MACROD2: variants seen among roughly 807,000 people sequenced by gnomAD.
The protein encoded by MACROD2 is ADP-ribose glycohydrolase MACROD2.
A neutral mutation model predicts 70.4 loss-of-function variants in MACROD2; 36 were observed. The ratio of observed to expected loss-of-function variants is 0.51; its 90% CI spans 0.39 to 0.68. The LOEUF is 0.68. Ranked by LOEUF, MACROD2 falls within the 30% of genes least tolerant of loss-of-function variation. MACROD2 has a pLI of 0.00. For synonymous variants in MACROD2, 172 were observed against 178.8 expected, an observed-to-expected ratio of 0.96 and a Z score of 0.30; for missense variants, 496 against 538.4, an observed-to-expected ratio of 0.92 and a Z score of 0.78.
intron 8 of MACROD2, among the ~76,000 whole-genome samples, chr20:15,595,352 A>G (rs1600645394): frequency 6.6e-6 from 1 of 152,356 alleles, no homozygotes; most frequent in African/African-American, 2.4e-5. Context: ...AAAAATTTAT[A>G]GCACAGGAAT....
At chr20:15,953,320 TAAC>T (rs2065932422) in intron 12 of MACROD2, among the ~76,000 whole-genome samples, 1 of 152,160 alleles carries the variant, frequency 6.6e-6, no homozygotes, top group Non-Finnish European at 1.5e-5. Flanking sequence ...TGAATATAGT[TAAC>T]AATAATATAC....
intron 8 of MACROD2, among the ~76,000 whole-genome samples, chr20:15,505,910 G>A (rs558251110): frequency 6.6e-6 from 1 of 152,082 alleles, no homozygotes; most frequent in Non-Finnish European, 1.5e-5. Flanking sequence ...ACAGATTGTT[G>A]TTCAAAATGT....
intron 5 of MACROD2, among the ~76,000 whole-genome samples, chr20:14,977,913 A>T (rs985799263): frequency 3.9e-5 from 6 of 152,168 alleles, no homozygotes; most frequent in African/African-American, 1.4e-4. Context: ...AAATGTAATG[A>T]TATTTTAGAA....
chr20:15,098,058 C>T (rs148424449), intron 5 of MACROD2, among the ~76,000 whole-genome samples: 2 of 152,228 alleles, frequency 1.3e-5, no homozygotes, highest in East Asian at 3.9e-4. Context: ...TAAACTTAAA[C>T]ACTGTTCTAC....
rs150518339 is a variant in MACROD2, at chr20:15,513,238, C to T, written c.645+13391C>T. Among the ~76,000 whole-genome samples the T allele has an allele frequency of 2.8e-3, 428 of 152,302 alleles. 1 individual carries two copies. The highest frequency in any genetic ancestry group is 4.6e-3 in the Non-Finnish European group (310 of 68,026). On this transcript the variant is annotated intron_variant, in intron 8 of 17. Coordinates refer to ENST00000684519, the MANE Select transcript of MACROD2 (RefSeq NM_001351661.2). ...GGCCATTTGCCAGCAGCAAGCGAAC[C>T]CCTAAATAGTCACGTTCTGTTCGGG... is the stretch of plus-strand genomic sequence containing the variant.
intron 7 of MACROD2, among the ~76,000 whole-genome samples, chr20:15,493,415 A>G (rs1212737472): frequency 6.6e-6 from 1 of 152,220 alleles, no homozygotes; most frequent in Non-Finnish European, 1.5e-5. Context: ...AAGTATCACC[A>G]TATGCCTTTC....
intron 5 of MACROD2, among the ~76,000 whole-genome samples, chr20:14,772,049 A>T (rs966032397): frequency 6.6e-6 from 1 of 152,100 alleles, no homozygotes; most frequent in African/African-American, 2.4e-5. Flanking sequence ...CTCATGGTGC[A>T]TGACATTTTA....
At chr20:15,529,140 T>C (rs2047761963) in intron 8 of MACROD2, among the ~76,000 whole-genome samples, 1 of 152,166 alleles carries the variant, frequency 6.6e-6, no homozygotes, top group South Asian at 2.1e-4. Context: ...TACTCTCCCA[T>C]TCTTGATCAT....
At chr20:15,461,018 T>A (rs1461310787) in intron 7 of MACROD2, among the ~76,000 whole-genome samples, 2 of 89,626 alleles carry the variant, frequency 2.2e-5, no homozygotes, top group African/African-American at 3.5e-5. Context: ...TTTTTTTTAA[T>A]AGATGGGGTC....
At chr20:15,101,533 T>TAAAAAAAAAAAA (rs1568573864) in intron 5 of MACROD2, among the ~76,000 whole-genome samples, 1,688 of 7,324 alleles carry the variant, frequency 0.23, 98 homozygotes, top group African/African-American at 0.38. Flanking sequence ...AGGTGTTGGT[T>TAAAAAAAAAAAA]CAAAAAAAAA....
intron 4 of MACROD2, among the ~76,000 whole-genome samples, chr20:14,669,797 T>A (rs1175020120): frequency 6.6e-6 from 1 of 151,942 alleles, no homozygotes; most frequent in East Asian, 1.9e-4. Context: ...CTTGATCTGG[T>A]CTCTGAAGGA....
intron 5 of MACROD2, among the ~76,000 whole-genome samples, chr20:14,966,547 G>A (rs1179077766): frequency 6.6e-6 from 1 of 152,186 alleles, no homozygotes; most frequent in Non-Finnish European, 1.5e-5. Flanking sequence ...CTGCACTCCA[G>A]CCTGGGCAAC....
intron 8 of MACROD2, among the ~76,000 whole-genome samples, chr20:15,607,889 T>C (rs2146702013): frequency 6.6e-6 from 1 of 152,348 alleles, no homozygotes; most frequent in East Asian, 1.9e-4. Flanking sequence ...GATACATTAA[T>C]TCAGATGGTA....
chr20:14,885,972 G>A (rs6079596), intron 5 of MACROD2, among the ~76,000 whole-genome samples: 13 of 152,134 alleles, frequency 8.5e-5, no homozygotes, highest in Admixed American at 2.6e-4. Context: ...ATAAATAAAA[G>A]AGCCTTTTGT....
chr20:14,777,365 G>A (rs2072246888), intron 5 of MACROD2, among the ~76,000 whole-genome samples: 1 of 151,928 alleles, frequency 6.6e-6, no homozygotes, highest in Admixed American at 6.6e-5. Flanking sequence ...CTAAGGGCTG[G>A]TTCTTGTGGA....
At chr20:14,753,767 C>G (rs2071905458) in intron 5 of MACROD2, among the ~76,000 whole-genome samples, 1 of 152,050 alleles carries the variant, frequency 6.6e-6, no homozygotes, top group Admixed American at 6.5e-5. Flanking sequence ...TGGGTAATAT[C>G]AGACCATAAA....
At chr20:14,896,948 G>T (rs1379523479) in intron 5 of MACROD2, among the ~76,000 whole-genome samples, 3 of 152,072 alleles carry the variant, frequency 2.0e-5, no homozygotes, top group African/African-American at 7.2e-5. Context: ...ATAAAAGTTA[G>T]CAACTAATAG....
intron 3 of MACROD2, among the ~76,000 whole-genome samples, chr20:14,432,807 A>G (rs2084009649): frequency 6.6e-6 from 1 of 152,092 alleles, no homozygotes; most frequent in East Asian, 1.9e-4. Flanking sequence ...CCTGGCCACC[A>G]TTATCTTATG....
At chr20:15,015,586 C>G (rs1330522797) in intron 5 of MACROD2, among the ~76,000 whole-genome samples, 2 of 152,048 alleles carry the variant, frequency 1.3e-5, no homozygotes, top group African/African-American at 4.8e-5. Context: ...TTGTGAAAGC[C>G]ACTGTATTTA....
Sources: allele counts gnomAD v4.1 joint callset (sites outside exome capture counted in the v4.1 genomes callset), GRCh38; gene constraint gnomAD v4.1.1; transcripts MANE v1.5; gene names NCBI Gene and HGNC (gene_info 2026-07-23, HGNC 2026-07-21).